Variants in ENO3 observed in about 807,000 individuals in gnomAD.
ENO3 encodes enolase 3, also known as beta-enolase.
ENO3 carries 46 observed loss-of-function variants against 47.7 expected under a neutral mutation model. The ratio of observed to expected loss-of-function variants is 0.96; its 90% CI spans 0.76 to 1.23. The LOEUF (loss-of-function observed/expected upper bound fraction) is 1.23. Ranked by LOEUF, ENO3 falls within the 50% of genes most tolerant of loss-of-function variation. The pLI, the probability that ENO3 is intolerant of heterozygous loss-of-function variation, is 0.00. For synonymous variants in ENO3, 223 were observed against 225.9 expected, an observed-to-expected ratio of 0.99 and a Z score of 0.11; for missense variants, 575 against 566.2, an observed-to-expected ratio of 1.02 and a Z score of -0.16.
At chr17:4,953,618 T>A (rs966065138) in intron 5 of ENO3, 94 bp from the exon 6 acceptor site, 2 of 1,605,478 alleles carry the variant, frequency 1.2e-6, no homozygotes, top group East Asian at 4.5e-5. Flanking sequence ...CAATTCTTCA[T>A]GCTCAGTGGT....
intron 8 of ENO3, 135 bp from the exon 9 acceptor site, chr17:4,955,807 T>C (rs80060797): frequency 3.4e-5 from 24 of 699,816 alleles, no homozygotes; most frequent in Admixed American, 1.1e-4. Context: ...TGTCTCTGCC[T>C]TGTCTCTGCC....
At chr17:4,955,039 C>T in intron 6 of ENO3, 36 bp from the exon 7 acceptor site, 1 of 1,596,830 alleles carries the variant, frequency 6.3e-7, no homozygotes, top group Non-Finnish European at 8.5e-7. Context: ...GCTCTCATGC[C>T]CCGGCCCAGG....
intron 6 of ENO3, among the ~76,000 whole-genome samples, chr17:4,954,414 G>A (rs1006201298): frequency 1.3e-5 from 2 of 152,308 alleles, no homozygotes; most frequent in South Asian, 4.1e-4. Flanking sequence ...AAAATGGGGG[G>A]TAATAACGAT....
In ENO3 at chr17:4,953,823, C is replaced by G. The variant is rs1410558483; in HGVS notation, c.422C>G (p.Pro141Arg). 6.2e-7 allele frequency: 1 copy of G among 1,614,184 alleles called. No homozygotes were observed. Among genetic ancestry groups the G allele is most frequent in the Non-Finnish European group, 8.5e-7 (1 of 1,180,034 alleles). Residue 141 changes from proline to arginine, a missense_variant, in exon 6 of 12, where the codon CCT (proline) becomes CGT (arginine). Coordinates refer to ENST00000519602, the MANE Select transcript of ENO3 (RefSeq NM_053013.4). Reference protein sequence around the residue: ...YRHIADLAGNPDLILPVPAFN... With the variant: ...YRHIADLAGNRDLILPVPAFN... ...CACATCGCAGATCTCGCTGGGAACC[C>G]TGACCTCATACTCCCAGTGCCAGTG... is the stretch of plus-strand genomic sequence containing the variant.
intron 2 of ENO3, 44 bp downstream of exon 2, chr17:4,951,958 A>G (rs368118537): frequency 6.3e-5 from 101 of 1,605,024 alleles, no homozygotes; most frequent in Non-Finnish European, 6.8e-5. Context: ...GAAGACCCCA[A>G]CCCTTTGGCC....
intron 10 of ENO3, 27 bp from the exon 11 acceptor site, chr17:4,956,804 C>T (rs1597706549): frequency 6.2e-7 from 1 of 1,614,216 alleles, no homozygotes; most frequent in Non-Finnish European, 8.5e-7. Flanking sequence ...CCTCACCTAA[C>T]CCTCCAAATT....
chr17:4,953,435 C>T, intron 5 of ENO3, 94 bp downstream of exon 5: 1 of 1,557,044 alleles, frequency 6.4e-7, no homozygotes, highest in Admixed American at 1.7e-5. Flanking sequence ...TCTGGGTCCC[C>T]CATTTTGGGT....
intron 2 of ENO3, 42 bp from the exon 3 acceptor site, chr17:4,952,753 C>T (rs562513817): frequency 8.3e-6 from 13 of 1,569,074 alleles, no homozygotes; most frequent in African/African-American, 4.0e-5. Context: ...TGGGCCACCG[C>T]GCCCAGCCAT....
intron 2 of ENO3, 95 bp downstream of exon 2, chr17:4,952,009 G>C (rs979322779): frequency 7.2e-7 from 1 of 1,382,714 alleles, no homozygotes; most frequent in Non-Finnish European, 1.0e-6. Context: ...CCTTTCTCTC[G>C]GGTTCCCTTT....
chr17:4,955,030 C>A, intron 6 of ENO3, 45 bp from the exon 7 acceptor site: 1 of 1,487,320 alleles, frequency 6.7e-7, no homozygotes, highest in Admixed American at 1.7e-5. Flanking sequence ...CCTTCTTGAG[C>A]TCTCATGCCC....
chr17:4,952,205 C>T (rs931508299), intron 2 of ENO3: 10 of 472,174 alleles, frequency 2.1e-5, no homozygotes, highest in African/African-American at 2.0e-4. Context: ...GAGATGGAGT[C>T]TCGCTCTGTG....
In ENO3 at chr17:4,956,224, C is replaced by G. The variant is rs904120193; in HGVS notation, c.1067+81C>G. ...CCACTCCAGCTACAGTCTTACCCAC[C>G]AACTCCAAGCTTACCTTTCCCCTGG... is the stretch of plus-strand genomic sequence containing the variant. On this transcript the variant is annotated intron_variant, in intron 9 of 11. Transcript: ENST00000519602. 5 of 1,506,846 alleles carry G rather than the reference C, an allele frequency of 3.3e-6. No individual in the cohort carries two copies. In the African/African-American group the frequency reaches 6.9e-5, roughly 21 times the overall value. 93.3% of individuals were successfully genotyped at this position (1,506,846 alleles called of 1,614,324 possible).
In ENO3 at chr17:4,956,562, T is replaced by C; in HGVS notation, c.1068-11T>C. 1.2e-6 allele frequency: 2 copies of C among 1,614,060 alleles called. No homozygotes were observed. The highest frequency in any genetic ancestry group is 1.7e-6 in the Non-Finnish European group (2 of 1,179,954). ...TTCTAGAAGGCCACATCAAATGTCC[T>C]CTCCACTCAGGTGCAAACTGGCTCA... On this transcript the variant is annotated splice_polypyrimidine_tract_variant and intron_variant, in intron 9 of 11. Transcript: ENST00000519602.
rs1253132305 is a variant in ENO3 at position 4,952,269 on chromosome 17, C to T, written c.85+355C>T. On this transcript the variant is annotated intron_variant, in intron 2 of 11. Coordinates refer to ENST00000519602, the MANE Select transcript of ENO3 (RefSeq NM_053013.4). ...TCAGCTCACTGCAACCTCTGCCTCC[C>T]GGGTTTAAGTGATTCTTGTGCCTCA... 47 of 369,408 alleles carry T rather than the reference C, an allele frequency of 1.3e-4. 1 individual carries two copies. Among genetic ancestry groups the T allele is most frequent in the South Asian group, 7.0e-4 (33 of 46,874 alleles). 22.9% of individuals were successfully genotyped at this position (369,408 alleles called of 1,614,324 possible). A position where few individuals can be genotyped will look rare whatever the true frequency, so the allele number is the denominator to read the frequency against.
intron 5 of ENO3, 30 bp downstream of exon 5, chr17:4,953,371 A>G: frequency 6.2e-7 from 1 of 1,613,922 alleles, no homozygotes; most frequent in South Asian, 1.1e-5. Context: ...TGGGGAAGGG[A>G]TGAGGTGTGG....
upstream of ENO3, chr17:4,950,674 C>T: frequency 1.0e-6 from 1 of 985,176 alleles, no homozygotes; most frequent in Non-Finnish European, 1.2e-6. Context: ...CCGTCCTTTC[C>T]CCCACTGAGG....
intron 6 of ENO3, among the ~76,000 whole-genome samples, chr17:4,954,666 G>A (rs993545025): frequency 2.6e-5 from 4 of 152,212 alleles, no homozygotes; most frequent in Non-Finnish European, 5.9e-5. Context: ...TGTAATCCCA[G>A]CACTTCGGGA....
chr17:4,953,738 G>A lies in ENO3; in HGVS notation c.337G>A (p.Gly113Ser). ...KSKFGANAIL[G>S]VSLAVCKAGA... ...CAAGTTTGGGGCCAATGCCATCCTG[G>A]GCGTGTCCTTGGCCGTGTGTAAGGC... Residue 113 changes from glycine (G) to serine (S), a missense_variant, in exon 6 of 12, where the codon GGC becomes AGC. By Grantham distance (56) the Gly-to-Ser change is moderately conservative. Transcript: ENST00000519602. The A allele has an allele frequency of 6.2e-7, 1 of 1,614,224 alleles. No individual in the cohort carries two copies. The highest frequency in any genetic ancestry group is 8.5e-7 in the Non-Finnish European group (1 of 1,180,036).
rs754077608 is a variant in ENO3 at position 4,953,753 on chromosome 17, G to T, written c.352G>T (p.Val118Leu). Reference sequence around the variant, plus strand: ...TGCCATCCTGGGCGTGTCCTTGGCCGTGTGTAAGGCGGGAGCAGCTGAGAA... The same window carrying T: ...TGCCATCCTGGGCGTGTCCTTGGCCTTGTGTAAGGCGGGAGCAGCTGAGAA... ...ANAILGVSLAVCKAGAAEKGV... is the reference protein window; with the variant it reads ...ANAILGVSLALCKAGAAEKGV... The change falls in exon 6 of 12, where the codon GTG becomes TTG. Residue 118 changes from valine to leucine, a missense_variant. Physicochemically the swap from Val to Leu is conservative, Grantham distance 32. Transcript: ENST00000519602. The T allele has an allele frequency of 6.2e-7, 1 of 1,614,240 alleles. No individual in the cohort carries two copies. The highest frequency in any genetic ancestry group is 1.7e-5 in the Admixed American group (1 of 60,032).
Sources: gnomAD v4.1 joint callset for allele counts (sites outside exome capture counted in the v4.1 genomes callset) on GRCh38, gnomAD v4.1.1 for gene constraint, MANE v1.5 for transcripts, NCBI Gene and HGNC (gene_info 2026-07-23, HGNC 2026-07-21) for gene names.